PPM1H: variants seen among roughly 807,000 people sequenced by gnomAD.
PPM1H encodes protein phosphatase, Mg2+/Mn2+ dependent 1H, also known as protein phosphatase 1H.
PPM1H carries 27 observed loss-of-function variants against 54.9 expected under a neutral mutation model. The observed-to-expected ratio is 0.49, with a 90% CI of 0.36 to 0.68. The LOEUF is 0.68. PPM1H is among the 30% of genes least tolerant of loss of function. PPM1H has a pLI of 0.00. For synonymous variants in PPM1H, 305 were observed against 270.8 expected, an observed-to-expected ratio of 1.13 and a Z score of -1.24; for missense variants, 596 against 667.8, an observed-to-expected ratio of 0.89 and a Z score of 1.19.
rs551969039 is a variant in PPM1H at position 62,931,616 on chromosome 12, A to G, written c.245+2876T>C. Among the ~76,000 whole-genome samples, 15 of 152,316 alleles carry G rather than the reference A, an allele frequency of 9.8e-5. No individual in the cohort carries two copies. The East Asian group carries it at 2.5e-3, about 25-fold the overall frequency. ...AGATGAATACATCATAATTTAATCT[A>G]CTGTAGAGAACGAGTTTGGTGTTGC... On this transcript the variant is annotated intron_variant, in intron 1 of 9. Transcript: ENST00000228705.
At chr12:62,830,944 C>T (rs1365857069) in intron 2 of PPM1H, among the ~76,000 whole-genome samples, 2 of 152,176 alleles carry the variant, frequency 1.3e-5, no homozygotes, top group Admixed American at 6.5e-5. Flanking sequence ...AGCTCTGCCT[C>T]CTGGGTTCAC....
intron 1 of PPM1H, among the ~76,000 whole-genome samples, chr12:62,855,949 T>C (rs544979072): frequency 2.0e-5 from 3 of 152,196 alleles, no homozygotes; most frequent in African/African-American, 7.2e-5. Flanking sequence ...CTGTGTTAAG[T>C]GTACAGCTAA....
At position 62,646,399 on chromosome 12, in the gene PPM1H, GACGGTGGGGAC is replaced by G. The variant is rs2075785061; in HGVS notation, c.*2079_*2089del. The stretch of plus-strand genomic sequence containing the variant: ...GGCCCAGGAAAGCAAATAAATGAAA[GACGGTGGGGAC>G]ACAGGAAGGATCCCAAAGACGGCAG... On this transcript the variant is annotated 3_prime_UTR_variant, in exon 10 of 10. Coordinates refer to ENST00000228705, the MANE Select transcript of PPM1H (RefSeq NM_020700.2). The G allele has an allele frequency of 6.6e-6, 1 of 152,196 alleles. No individual in the cohort carries two copies. Among genetic ancestry groups the G allele is most frequent in the Admixed American group, 6.5e-5 (1 of 15,288 alleles). 9.4% of individuals were successfully genotyped at this position (152,196 alleles called of 1,614,324 possible).
intron 2 of PPM1H, among the ~76,000 whole-genome samples, chr12:62,812,843 G>GT (rs2076843198): frequency 6.6e-6 from 1 of 150,508 alleles, no homozygotes; most frequent in South Asian, 2.1e-4. Flanking sequence ...ATACAAGATT[G>GT]TTCCAAACAG....
At chr12:62,856,894 A>C (rs1869410271) in intron 1 of PPM1H, among the ~76,000 whole-genome samples, 1 of 152,190 alleles carries the variant, frequency 6.6e-6, no homozygotes, top group Non-Finnish European at 1.5e-5. Flanking sequence ...ACGGCTTCAC[A>C]GGGTACCAGA....
At chr12:62,650,814 T>G (rs190648151) in intron 9 of PPM1H, among the ~76,000 whole-genome samples, 15 of 152,178 alleles carry the variant, frequency 9.9e-5, no homozygotes, top group Admixed American at 2.6e-4. Context: ...ATGGGGGAAC[T>G]CGGTCCCCAT....
At chr12:62,932,091 T>C (rs1206766097) in intron 1 of PPM1H, among the ~76,000 whole-genome samples, 3 of 151,698 alleles carry the variant, frequency 2.0e-5, no homozygotes, top group Non-Finnish European at 4.4e-5. Context: ...ACTTTTTTTT[T>C]TTTTTTTTAA....
At chr12:62,666,926 C>A (rs560380725) in intron 9 of PPM1H, among the ~76,000 whole-genome samples, 54 of 152,278 alleles carry the variant, frequency 3.5e-4, no homozygotes, top group South Asian at 2.9e-3. Flanking sequence ...GTTGGCCAGG[C>A]TGGTCTAGAA....
chr12:62,667,388 C>A (rs2075925474), intron 8 of PPM1H, 59 bp from the exon 9 acceptor site: 1 of 1,383,996 alleles, frequency 7.2e-7, no homozygotes, highest in African/African-American at 1.4e-5. Context: ...TTCTCCCTAA[C>A]AAACTGACTT....
intron 1 of PPM1H, among the ~76,000 whole-genome samples, chr12:62,927,948 T>C (rs1346911558): frequency 6.6e-6 from 1 of 152,198 alleles, no homozygotes; most frequent in Non-Finnish European, 1.5e-5. Context: ...AAAAATGTTT[T>C]AAGTATTTCA....
chr12:62,742,892 G>A (rs1392556709), intron 4 of PPM1H, among the ~76,000 whole-genome samples: 1 of 152,168 alleles, frequency 6.6e-6, no homozygotes, highest in Non-Finnish European at 1.5e-5. Flanking sequence ...CCAATATTAA[G>A]GTTAGCCTTT....
chr12:62,929,286 G>T (rs1226657227), intron 1 of PPM1H, among the ~76,000 whole-genome samples: 1 of 152,100 alleles, frequency 6.6e-6, no homozygotes, highest in Non-Finnish European at 1.5e-5. Flanking sequence ...GGAGTGCAAT[G>T]ATTTCATCAA....
intron 6 of PPM1H, among the ~76,000 whole-genome samples, chr12:62,714,272 C>T (rs1012045502): frequency 2.0e-5 from 3 of 152,146 alleles, no homozygotes; most frequent in Non-Finnish European, 4.4e-5. Context: ...TGGCTAGTGG[C>T]TACTGTGCTC....
At chr12:62,796,771 G>A (rs988299199) in intron 3 of PPM1H, among the ~76,000 whole-genome samples, 4 of 151,924 alleles carry the variant, frequency 2.6e-5, no homozygotes, top group East Asian at 1.9e-4. Flanking sequence ...CCGTGTGCGC[G>A]CACACACACA....
chr12:62,676,221 A>G (rs927990616), intron 8 of PPM1H, among the ~76,000 whole-genome samples: 2 of 152,192 alleles, frequency 1.3e-5, no homozygotes, highest in Non-Finnish European at 2.9e-5. Flanking sequence ...ACCTGAGACT[A>G]CAATATGGAC....
chr12:62,900,389 G>A (rs1251024516), intron 1 of PPM1H, among the ~76,000 whole-genome samples: 2 of 151,948 alleles, frequency 1.3e-5, no homozygotes, highest in East Asian at 3.9e-4. Flanking sequence ...GCCTGTTGTG[G>A]GGTGGGGTAG....
At chr12:62,693,229 G>A (rs1224167115) in intron 7 of PPM1H, among the ~76,000 whole-genome samples, 3 of 152,176 alleles carry the variant, frequency 2.0e-5, no homozygotes, top group African/African-American at 7.2e-5. Context: ...CCAGGCCTCT[G>A]CTCAGAGACC....
rs947003849 is a variant in PPM1H at position 62,856,516 on chromosome 12, C to T, written c.246-24237G>A. ...TACATCCAATGTATTACTGTTACTT[C>T]ATCTTGGTTAGATGCAGAAATATCC... On this transcript the variant is annotated intron_variant, in intron 1 of 9. Coordinates refer to ENST00000228705, the MANE Select transcript of PPM1H (RefSeq NM_020700.2). 3.3e-5 allele frequency among the ~76,000 whole-genome samples: 5 copies of T among 152,028 alleles called. No homozygotes were observed. The South Asian group carries it at 1.0e-3, about 32-fold the overall frequency.
intron 5 of PPM1H, among the ~76,000 whole-genome samples, chr12:62,725,839 A>G (rs1379636299): frequency 6.6e-6 from 1 of 152,186 alleles, no homozygotes; most frequent in East Asian, 1.9e-4. Flanking sequence ...TATGTTAAAA[A>G]AAAACAAAGA....
Sources: gnomAD v4.1 joint callset for allele counts (sites outside exome capture counted in the v4.1 genomes callset) on GRCh38, gnomAD v4.1.1 for gene constraint, MANE v1.5 for transcripts, NCBI Gene and HGNC (gene_info 2026-07-23, HGNC 2026-07-21) for gene names.